The following PDE3A variants were observed in gnomAD, a reference collection of about 807,000 sequenced individuals.
PDE3A encodes phosphodiesterase 3A.
In PDE3A, 43 loss-of-function variants were observed where a neutral mutation model predicts 98.3. The ratio of observed to expected loss-of-function variants is 0.44; its 90% CI spans 0.34 to 0.56. PDE3A has a LOEUF of 0.56. Among genes scored for constraint, PDE3A ranks in the 20% least tolerant of loss-of-function variants. PDE3A has a pLI of 0.01. For missense variants in PDE3A, 1,427 were observed against 1,440.7 expected (o/e 0.99, Z 0.15); for synonymous variants, 663 against 567.9 (o/e 1.17, Z -2.38).
intron 1 of PDE3A, among the ~76,000 whole-genome samples, chr12:20,430,588 T>C (rs1944678938): frequency 6.6e-6 from 1 of 152,148 alleles, no homozygotes; most frequent in Non-Finnish European, 1.5e-5. Context: ...AAGAACAAAA[T>C]GTAAAACACT....
chr12:20,556,708 C>A lies in PDE3A; in HGVS notation c.1009C>A (p.Gln337Lys). 1 of 1,606,498 alleles carries A rather than the reference C, an allele frequency of 6.2e-7. No individual in the cohort carries two copies. Among genetic ancestry groups the A allele is most frequent in the Non-Finnish European group, 8.5e-7 (1 of 1,173,252 alleles). ...CCACAAACGAGGGCCAAGAGGATCA[C>A]AGGTAAGTTTCTTTTCCTTTTCTTT... ...WDHKRGPRGS[Q>K]SSGTSITVDI... The change falls in exon 2 of 16, where the codon CAG becomes AAG. Residue 337 changes from glutamine (Q) to lysine (K), a missense_variant and splice_region_variant. Physicochemically the swap from Gln to Lys is moderately conservative, Grantham distance 53. Coordinates refer to ENST00000359062, the MANE Select transcript of PDE3A (RefSeq NM_000921.5).
chr12:20,508,406 A>C (rs1033975606), intron 1 of PDE3A, among the ~76,000 whole-genome samples: 7 of 148,498 alleles, frequency 4.7e-5, no homozygotes, highest in Middle Eastern at 7.1e-3. Context: ...CTACAATGTT[A>C]CCTGGTTTGT....
At chr12:20,453,868 T>G (rs1007808445) in intron 1 of PDE3A, among the ~76,000 whole-genome samples, 1 of 152,194 alleles carries the variant, frequency 6.6e-6, no homozygotes, top group Admixed American at 6.5e-5. Flanking sequence ...TACCATCATC[T>G]GTTGCCGGAA....
At chr12:20,530,088 A>T (rs1041152706) in intron 1 of PDE3A, among the ~76,000 whole-genome samples, 29 of 152,186 alleles carry the variant, frequency 1.9e-4, no homozygotes, top group Non-Finnish European at 5.9e-5. Flanking sequence ...AATTTCAGGT[A>T]CAGACTTCAT....
intron 1 of PDE3A, among the ~76,000 whole-genome samples, chr12:20,532,964 C>G (rs1202205330): frequency 6.6e-6 from 1 of 152,128 alleles, no homozygotes; most frequent in Non-Finnish European, 1.5e-5. Flanking sequence ...GCGTGAGCCA[C>G]CGCGCCCGGC....
chr12:20,673,613 G>C (rs1189209141), intron 15 of PDE3A, among the ~76,000 whole-genome samples: 10 of 150,304 alleles, frequency 6.7e-5, no homozygotes, highest in East Asian at 4.0e-4. Flanking sequence ...AAAAACCAAA[G>C]ACCGCATATT....
At chr12:20,480,479 C>G in intron 1 of PDE3A, among the ~76,000 whole-genome samples, 1 of 152,234 alleles carries the variant, frequency 6.6e-6, no homozygotes, top group South Asian at 2.1e-4. Context: ...TTAACATGAT[C>G]AACTACTTTT....
intron 1 of PDE3A, among the ~76,000 whole-genome samples, chr12:20,521,990 C>T (rs1489008992): frequency 2.0e-5 from 3 of 152,130 alleles, no homozygotes; most frequent in African/African-American, 4.8e-5. Context: ...CCTCATTAAC[C>T]CCAAACTCAG....
At chr12:20,430,432 T>C (rs1944676688) in intron 1 of PDE3A, among the ~76,000 whole-genome samples, 1 of 152,174 alleles carries the variant, frequency 6.6e-6, no homozygotes, top group Non-Finnish European at 1.5e-5. Context: ...CATCCCTTAG[T>C]TCCTGATAAA....
chr12:20,465,531 C>T (rs1945326903), intron 1 of PDE3A, among the ~76,000 whole-genome samples: 1 of 152,112 alleles, frequency 6.6e-6, no homozygotes, highest in Admixed American at 6.5e-5. Flanking sequence ...CTGCCTCAGC[C>T]TCCCGAGTAG....
intron 1 of PDE3A, among the ~76,000 whole-genome samples, chr12:20,467,933 CAAAAAAAAAAAAAAAAAAAAAAAAAA>C (rs60320142): frequency 1.4e-3 from 50 of 35,684 alleles, no homozygotes; most frequent in Admixed American, 3.8e-3. Flanking sequence ...GACTCCTTCT[CAAAAAAAAAAAAAAAAAAAAAAAAAA>C]AAAAAAAAAA....
chr12:20,602,397 C>T (rs1035155021), intron 2 of PDE3A, among the ~76,000 whole-genome samples: 4 of 152,150 alleles, frequency 2.6e-5, no homozygotes, highest in Non-Finnish European at 4.4e-5. Flanking sequence ...TGAGTTGTTA[C>T]GTGAGTTCGC....
chr12:20,517,796 G>T (rs1035189451), intron 1 of PDE3A, among the ~76,000 whole-genome samples: 1 of 152,112 alleles, frequency 6.6e-6, no homozygotes, highest in African/African-American at 2.4e-5. Context: ...TTTGACAATG[G>T]TTGTCAAATT....
In PDE3A at chr12:20,438,511, A is replaced by T. The variant is rs563298183; in HGVS notation, c.960+68267A>T. On this transcript the variant is annotated intron_variant, in intron 1 of 15. Coordinates refer to ENST00000359062, the MANE Select transcript of PDE3A (RefSeq NM_000921.5). ...TTCAAAAGTTATTCATCTAAAAAGC[A>T]ATGCAAAATATAGTAGAGACAAATA... is the stretch of plus-strand genomic sequence containing the variant. Among the ~76,000 whole-genome samples the T allele has an allele frequency of 1.1e-4, 16 of 152,358 alleles. 1 individual carries two copies. In the South Asian group the frequency reaches 3.3e-3, roughly 32 times the overall value.
chr12:20,369,465 C>T lies in PDE3A; in HGVS notation c.181C>T (p.Leu61Phe), dbSNP rs867701949. ...VLQPLRSSRK[L>F]SSALCAGSLS... ...GCAGCCGCTCCGGAGCTCTCGGAAA[C>T]TTTCCTCCGCGCTGTGCGCGGGCTC... The change falls in exon 1 of 16, where the codon CTT (leucine) becomes TTT (phenylalanine). Residue 61 changes from leucine (L) to phenylalanine (F), a missense_variant. Transcript: ENST00000359062. 1 of 1,556,150 alleles carries T rather than the reference C, an allele frequency of 6.4e-7. No individual in the cohort carries two copies. Among genetic ancestry groups the T allele is most frequent in the South Asian group, 1.2e-5 (1 of 84,442 alleles).
intron 2 of PDE3A, among the ~76,000 whole-genome samples, chr12:20,579,036 C>T (rs1347654159): frequency 6.6e-6 from 1 of 151,946 alleles, no homozygotes; most frequent in East Asian, 1.9e-4. Flanking sequence ...TGCTGTATTT[C>T]TGTGTCCTTT....
At chr12:20,388,867 A>T (rs1017033683) in intron 1 of PDE3A, among the ~76,000 whole-genome samples, 1 of 152,058 alleles carries the variant, frequency 6.6e-6, no homozygotes, top group Non-Finnish European at 1.5e-5. Context: ...GAATAGAGAA[A>T]GAAAACAATG....
chr12:20,671,275 G>C (rs997617976), intron 15 of PDE3A, among the ~76,000 whole-genome samples: 1 of 150,184 alleles, frequency 6.7e-6, no homozygotes, highest in Non-Finnish European at 1.5e-5. Flanking sequence ...GAGGTACAAG[G>C]AGGAACTGGT....
At chr12:20,421,207 T>G (rs1425088546) in intron 1 of PDE3A, among the ~76,000 whole-genome samples, 1 of 152,182 alleles carries the variant, frequency 6.6e-6, no homozygotes, top group African/African-American at 2.4e-5. Flanking sequence ...GCACTGACTT[T>G]TAGGCACATA....
Sources: allele counts gnomAD v4.1 joint callset (sites outside exome capture counted in the v4.1 genomes callset), GRCh38; gene constraint gnomAD v4.1.1; transcripts MANE v1.5; gene names NCBI Gene and HGNC (gene_info 2026-07-23, HGNC 2026-07-21).